ZSWIM6: variants seen among roughly 807,000 people sequenced by gnomAD.
ZSWIM6 encodes zinc finger SWIM domain-containing protein 6.
A neutral mutation model predicts 113.2 loss-of-function variants in ZSWIM6; 9 were observed. That is an observed-to-expected ratio of 0.08 (90% CI 0.05 to 0.14). ZSWIM6 has a LOEUF of 0.14. ZSWIM6 is among the 10% of genes least tolerant of loss of function. ZSWIM6 has a pLI of 1.00. For missense variants in ZSWIM6, 1,162 were observed against 1,552.2 expected, an observed-to-expected ratio of 0.75 and a Z score of 4.22; for synonymous variants, 611 against 606.5, an observed-to-expected ratio of 1.01 and a Z score of -0.11.
At position 61,494,358 on chromosome 5, in the gene ZSWIM6, G is replaced by A. The variant is rs1748265155; in HGVS notation, c.1281G>A (p.Arg427=). Residue 427 remains arginine (R), a synonymous_variant, in exon 4 of 14, where the codon CGG becomes CGA. Coordinates refer to ENST00000252744, the MANE Select transcript of ZSWIM6 (RefSeq NM_020928.2). ...FMADPRLSLW[R]QQGTAMTDKY... is the part of the protein sequence containing the mutation. ...CTGACCCTCGCCTGTCACTTTGGCG[G>A]CAACAAGGCACTGCAATGACTGACA... is the stretch of plus-strand genomic sequence containing the variant. 1 of 1,551,110 alleles carries A rather than the reference G, an allele frequency of 6.4e-7. No individual in the cohort carries two copies. The highest frequency in any genetic ancestry group is 2.4e-5 in the East Asian group (1 of 40,916).
At chr5:61,530,436 TC>T (rs1275973528) in intron 8 of ZSWIM6, among the ~76,000 whole-genome samples, 1 of 152,210 alleles carries the variant, frequency 6.6e-6, no homozygotes, top group Non-Finnish European at 1.5e-5. Context: ...ATATTTATTC[TC>T]TTCTAACCAG....
intron 1 of ZSWIM6, among the ~76,000 whole-genome samples, chr5:61,384,354 T>C (rs1460570263): frequency 1.3e-5 from 2 of 151,990 alleles, no homozygotes; most frequent in African/African-American, 4.8e-5. Flanking sequence ...AAAACAGAGC[T>C]CTTTGATCTT....
chr5:61,545,841 A>G lies in ZSWIM6; in HGVS notation c.*1524A>G, dbSNP rs911940594. ...CTTTACTTTAGCTGATGGTTCTGTA[A>G]CCTTGTGCTTTTTAAAGCAATTTTT... On this transcript the variant is annotated 3_prime_UTR_variant, in exon 14 of 14. Transcript: ENST00000252744. 6.6e-6 allele frequency: 1 copy of G among 152,052 alleles called. No homozygotes were observed. Among genetic ancestry groups the G allele is most frequent in the East Asian group, 1.9e-4 (1 of 5,196 alleles). The allele number at this position is 152,052 out of a possible 1,614,324, so 9.4% of individuals were successfully genotyped here. A position where few individuals can be genotyped will look rare whatever the true frequency, so the allele number is the denominator to read the frequency against.
intron 1 of ZSWIM6, among the ~76,000 whole-genome samples, chr5:61,464,054 G>C (rs1389950105): frequency 6.6e-6 from 1 of 150,968 alleles, no homozygotes; most frequent in African/African-American, 2.4e-5. Context: ...GTGCAGTGGT[G>C]CAATCTAGCT....
At chr5:61,369,159 T>G (rs137996581) in intron 1 of ZSWIM6, among the ~76,000 whole-genome samples, 1 of 152,382 alleles carries the variant, frequency 6.6e-6, no homozygotes, top group Non-Finnish European at 1.5e-5. Flanking sequence ...ATTATAAGCT[T>G]CTTCCTACTA....
At chr5:61,442,436 A>G (rs544883720) in intron 1 of ZSWIM6, among the ~76,000 whole-genome samples, 57 of 152,256 alleles carry the variant, frequency 3.7e-4, no homozygotes, top group African/African-American at 1.4e-3. Context: ...GCTCCATACC[A>G]TGGATGAGGA....
At chr5:61,373,372 CTTTTTTTTTT>C (rs748556109) in intron 1 of ZSWIM6, among the ~76,000 whole-genome samples, 3 of 102,968 alleles carry the variant, frequency 2.9e-5, no homozygotes, top group South Asian at 3.2e-4. Flanking sequence ...CTCAGTATTT[CTTTTTTTTTT>C]TTTTTTTTTT....
intron 1 of ZSWIM6, among the ~76,000 whole-genome samples, chr5:61,440,446 G>A (rs1052328954): frequency 1.3e-5 from 2 of 151,208 alleles, no homozygotes; most frequent in Non-Finnish European, 2.9e-5. Context: ...GATTAAAAGA[G>A]TTAGTGGATA....
chr5:61,476,827 C>T (rs1747717363), intron 2 of ZSWIM6, among the ~76,000 whole-genome samples: 1 of 152,146 alleles, frequency 6.6e-6, no homozygotes, highest in African/African-American at 2.4e-5. Flanking sequence ...GAACACTGAA[C>T]TTGGAATCTA....
chr5:61,355,768 A>C (rs1744894114), intron 1 of ZSWIM6, among the ~76,000 whole-genome samples: 1 of 152,192 alleles, frequency 6.6e-6, no homozygotes, highest in Non-Finnish European at 1.5e-5. Context: ...CCAGAGTTTG[A>C]AGACTTAGTG....
chr5:61,423,166 G>A (rs1746388455), intron 1 of ZSWIM6, among the ~76,000 whole-genome samples: 1 of 152,094 alleles, frequency 6.6e-6, no homozygotes, highest in Admixed American at 6.5e-5. Flanking sequence ...CAGCACTTTG[G>A]GAGGCCAAGG....
chr5:61,436,107 A>G (rs886620334), intron 1 of ZSWIM6, among the ~76,000 whole-genome samples: 1 of 151,942 alleles, frequency 6.6e-6, no homozygotes, highest in Non-Finnish European at 1.5e-5. Context: ...AGGCTGAGGC[A>G]GGAGAATTGC....
At chr5:61,396,260 G>A (rs1745834948) in intron 1 of ZSWIM6, among the ~76,000 whole-genome samples, 1 of 152,090 alleles carries the variant, frequency 6.6e-6, no homozygotes, top group Non-Finnish European at 1.5e-5. Context: ...TTGGCCAGGT[G>A]CAGTGGCTCA....
intron 1 of ZSWIM6, among the ~76,000 whole-genome samples, chr5:61,339,839 T>C (rs1744498540): frequency 6.6e-6 from 1 of 152,250 alleles, no homozygotes; most frequent in Admixed American, 6.5e-5. Context: ...TTGTGATTTA[T>C]TAATTTTTTA....
chr5:61,448,958 C>G (rs1747026949), intron 1 of ZSWIM6, among the ~76,000 whole-genome samples: 4 of 152,204 alleles, frequency 2.6e-5, no homozygotes, highest in Admixed American at 6.5e-5. Flanking sequence ...AACCTGCTGG[C>G]AAACCTCACA....
intron 2 of ZSWIM6, 39 bp downstream of exon 2, chr5:61,473,076 A>G: frequency 8.0e-7 from 1 of 1,257,778 alleles, no homozygotes; most frequent in Non-Finnish European, 1.1e-6. Context: ...TCCTCTCTGG[A>G]TCCTTTTTCA....
At chr5:61,519,042 G>C (rs540421869) in intron 4 of ZSWIM6, among the ~76,000 whole-genome samples, 9 of 152,088 alleles carry the variant, frequency 5.9e-5, no homozygotes, top group African/African-American at 1.4e-4. Flanking sequence ...TTATTAAATA[G>C]GGAATCCTTT....
At chr5:61,353,990 A>G (rs1744845966) in intron 1 of ZSWIM6, among the ~76,000 whole-genome samples, 1 of 152,248 alleles carries the variant, frequency 6.6e-6, no homozygotes, top group African/African-American at 2.4e-5. Flanking sequence ...CTACCGAATT[A>G]TAGCTTAAAG....
At chr5:61,523,374 A>C (rs1308153970) in intron 5 of ZSWIM6, among the ~76,000 whole-genome samples, 2 of 152,258 alleles carry the variant, frequency 1.3e-5, no homozygotes, top group Non-Finnish European at 2.9e-5. Context: ...GTAATTTTTT[A>C]GAATTAATGA....
Sources: gnomAD v4.1 joint callset for allele counts (sites outside exome capture counted in the v4.1 genomes callset) on GRCh38, gnomAD v4.1.1 for gene constraint, MANE v1.5 for transcripts, NCBI Gene and HGNC (gene_info 2026-07-23, HGNC 2026-07-21) for gene names.